Variants in PARD3 observed in about 807,000 individuals in gnomAD.
PARD3 encodes the protein par-3 family cell polarity regulator.
In PARD3, 75 loss-of-function variants were observed where a neutral mutation model predicts 155.4. The observed-to-expected ratio is 0.48, with a 90% confidence interval of 0.40 to 0.58. The LOEUF is 0.58. Ranked by LOEUF, PARD3 falls within the 20% of genes least tolerant of loss-of-function variation. The pLI is 0.00. For synonymous variants in PARD3, 576 were observed against 610.5 expected (o/e 0.94, Z 0.83); for missense variants, 1,642 against 1,721.7 (o/e 0.95, Z 0.82).
chr10:34,432,940 G>C (rs1388734582), intron 5 of PARD3, among the ~76,000 whole-genome samples: 2 of 152,166 alleles, frequency 1.3e-5, no homozygotes, highest in Admixed American at 1.3e-4. Flanking sequence ...CTTAGAAACA[G>C]AATGTCAGAG....
At chr10:34,361,762 A>G (rs918823992) in intron 12 of PARD3, among the ~76,000 whole-genome samples, 1 of 152,234 alleles carries the variant, frequency 6.6e-6, no homozygotes, top group African/African-American at 2.4e-5. Flanking sequence ...TCTTTGTGCT[A>G]TCTCAAAGGA....
chr10:34,276,349 G>A (rs575261979), intron 21 of PARD3, among the ~76,000 whole-genome samples: 1 of 152,086 alleles, frequency 6.6e-6, no homozygotes, highest in East Asian at 1.9e-4. Context: ...AAGTAATAAG[G>A]TTAATTTCTT....
intron 1 of PARD3, among the ~76,000 whole-genome samples, chr10:34,698,524 C>G (rs542446644): frequency 1.3e-5 from 2 of 152,298 alleles, no homozygotes; most frequent in African/African-American, 4.8e-5. Context: ...CAAAGCAGAT[C>G]AGCAGTCTAA....
chr10:34,302,201 T>C (rs1348163807), intron 20 of PARD3, among the ~76,000 whole-genome samples: 1 of 152,180 alleles, frequency 6.6e-6, no homozygotes, highest in Non-Finnish European at 1.5e-5. Flanking sequence ...AATGGTGTTT[T>C]TCAAATTTTG....
chr10:34,284,880 C>T (rs1956311892), intron 20 of PARD3, among the ~76,000 whole-genome samples: 1 of 152,138 alleles, frequency 6.6e-6, no homozygotes, highest in Non-Finnish European at 1.5e-5. Flanking sequence ...CTTATAAATC[C>T]ACATCTGATC....
At chr10:34,254,129 T>C (rs1173492799) in intron 22 of PARD3, among the ~76,000 whole-genome samples, 3 of 151,996 alleles carry the variant, frequency 2.0e-5, no homozygotes, top group Admixed American at 6.5e-5. Context: ...CTCCTATAAT[T>C]CCAGCACTTT....
intron 22 of PARD3, among the ~76,000 whole-genome samples, chr10:34,168,895 G>A (rs1949659684): frequency 1.3e-5 from 2 of 152,160 alleles, no homozygotes; most frequent in Non-Finnish European, 2.9e-5. Context: ...CTAATTATGT[G>A]TAATACCAAC....
intron 22 of PARD3, among the ~76,000 whole-genome samples, chr10:34,256,360 C>T (rs1282433247): frequency 6.6e-6 from 1 of 152,230 alleles, no homozygotes; most frequent in Non-Finnish European, 1.5e-5. Context: ...TCGTTTGCTC[C>T]ACACTTGGTC....
At chr10:34,321,956 C>G (rs1273022514) in intron 19 of PARD3, among the ~76,000 whole-genome samples, 1 of 152,044 alleles carries the variant, frequency 6.6e-6, no homozygotes, top group Non-Finnish European at 1.5e-5. Context: ...TCATTAGAGT[C>G]TATTTCCCCC....
chr10:34,766,582 C>G (rs992755413), intron 1 of PARD3, among the ~76,000 whole-genome samples: 1 of 145,004 alleles, frequency 6.9e-6, no homozygotes, highest in Non-Finnish European at 1.5e-5. Context: ...GCCAAGATTC[C>G]TACCAGCTCT....
intron 14 of PARD3, among the ~76,000 whole-genome samples, chr10:34,355,929 A>AC (rs1224078838): frequency 8.5e-5 from 10 of 118,312 alleles, no homozygotes; most frequent in African/African-American, 5.8e-4. Context: ...CGTCTCAAAA[A>AC]AAAAAAAAAA....
intron 15 of PARD3, among the ~76,000 whole-genome samples, chr10:34,342,620 C>T (rs1589240327): frequency 6.6e-6 from 1 of 152,100 alleles, no homozygotes; most frequent in Non-Finnish European, 1.5e-5. Flanking sequence ...AAATTAGGAT[C>T]TGAGTGGCCA....
chr10:34,422,733 A>G (rs1221501239), intron 5 of PARD3, among the ~76,000 whole-genome samples: 2 of 152,198 alleles, frequency 1.3e-5, no homozygotes, highest in African/African-American at 2.4e-5. Context: ...CCAGAATGAC[A>G]TATCACCTTC....
intron 20 of PARD3, among the ~76,000 whole-genome samples, chr10:34,302,070 C>T (rs1185107952): frequency 1.3e-5 from 2 of 152,044 alleles, no homozygotes; most frequent in Non-Finnish European, 2.9e-5. Context: ...TGAATGGCTA[C>T]CCACTATCTT....
chr10:34,427,837 G>A (rs976958325), intron 5 of PARD3, among the ~76,000 whole-genome samples: 4 of 152,016 alleles, frequency 2.6e-5, no homozygotes, highest in Non-Finnish European at 4.4e-5. Flanking sequence ...TTGAATTATC[G>A]GGGACAGGTT....
rs565677668 is a variant in PARD3 at position 34,504,110 on chromosome 10, C to T, written c.403+12869G>A. Among the ~76,000 whole-genome samples, 5 of 152,094 alleles carry T rather than the reference C, an allele frequency of 3.3e-5. No individual in the cohort carries two copies. The South Asian group carries it at 1.0e-3, about 32-fold the overall frequency. On this transcript the variant is annotated intron_variant, in intron 3 of 24. Transcript: ENST00000374788. ...TGCACTTCCACATTCACAAGCCATG[C>T]AGTATACACACTGGAGCCCCCAGAT... is the stretch of plus-strand genomic sequence containing the variant.
At chr10:34,431,771 C>T (rs1290366761) in intron 5 of PARD3, among the ~76,000 whole-genome samples, 1 of 85,906 alleles carries the variant, frequency 1.2e-5, no homozygotes, top group Non-Finnish European at 2.6e-5. Flanking sequence ...AAAAAAATGC[C>T]GGGTATGGTG....
intron 22 of PARD3, among the ~76,000 whole-genome samples, chr10:34,183,940 C>T (rs1267466296): frequency 1.3e-5 from 2 of 152,224 alleles, no homozygotes; most frequent in Admixed American, 1.3e-4. Flanking sequence ...CTTCAGCCTC[C>T]TGGGTAGCTG....
intron 7 of PARD3, among the ~76,000 whole-genome samples, chr10:34,390,520 A>C (rs1216875739): frequency 6.6e-6 from 1 of 152,224 alleles, no homozygotes; most frequent in Non-Finnish European, 1.5e-5. Flanking sequence ...TAAACCATAC[A>C]AAAGTCATGA....
Sources: gnomAD v4.1 joint callset for allele counts (sites outside exome capture counted in the v4.1 genomes callset) on GRCh38, gnomAD v4.1.1 for gene constraint, MANE v1.5 for transcripts, NCBI Gene and HGNC (gene_info 2026-07-23, HGNC 2026-07-21) for gene names.